The following C1orf21 variants were observed in gnomAD, a reference collection of about 807,000 sequenced individuals.
C1orf21 encodes chromosome 1 open reading frame 21, also known as uncharacterized protein C1orf21.
C1orf21 carries 3 observed loss-of-function variants against 18.7 expected under a neutral mutation model. The ratio of observed to expected loss-of-function variants is 0.16; its 90% CI spans 0.07 to 0.42. The LOEUF (loss-of-function observed/expected upper bound fraction) is 0.42. Among genes scored for constraint, C1orf21 ranks in the 10% least tolerant of loss-of-function variants. C1orf21 has a pLI of 0.99. For missense variants in C1orf21, 104 were observed against 143.6 expected (o/e 0.72, Z 1.41); for synonymous variants, 41 against 46.4 (o/e 0.88, Z 0.47).
In C1orf21 at chr1:184,450,119, C is replaced by G. The variant is rs112643129; in HGVS notation, c.-124-27267C>G. On this transcript the variant is annotated intron_variant, in intron 1 of 5. Transcript: ENST00000235307. ...AGGACAGTGAGGTTGTAGGTGGATGCCTGATACAGTCATGGAGGGAAGGTG... is the reference window on the plus strand; with the variant it reads ...AGGACAGTGAGGTTGTAGGTGGATGGCTGATACAGTCATGGAGGGAAGGTG... Among the ~76,000 whole-genome samples the G allele has an allele frequency of 5.0e-3, 756 of 152,146 alleles. 3 individuals are homozygous for G. Among genetic ancestry groups the G allele is most frequent in the Non-Finnish European group, 8.2e-3 (557 of 67,980 alleles).
At position 184,426,338 on chromosome 1, in the gene C1orf21, A is replaced by G. The variant is rs551362493; in HGVS notation, c.-125+38970A>G. Among the ~76,000 whole-genome samples, 3 of 152,044 alleles carry G rather than the reference A, an allele frequency of 2.0e-5. No individual in the cohort carries two copies. The East Asian group carries it at 5.8e-4, about 29-fold the overall frequency. On this transcript the variant is annotated intron_variant, in intron 1 of 5. Transcript: ENST00000235307. ...GGTGGTCTTCTACCTTCTCCCTCTA[A>G]TTTATTCTGCAAGCACCCTCAGAGC... is the stretch of plus-strand genomic sequence containing the variant.
intron 2 of C1orf21, among the ~76,000 whole-genome samples, chr1:184,485,562 G>T (rs1657721114): frequency 6.6e-6 from 1 of 152,222 alleles, no homozygotes; most frequent in Middle Eastern, 3.4e-3. Context: ...GTTTGATGGA[G>T]GCAGTGGCCC....
intron 1 of C1orf21, among the ~76,000 whole-genome samples, chr1:184,423,726 C>G (rs1235410562): frequency 6.6e-6 from 1 of 152,074 alleles, no homozygotes; most frequent in African/African-American, 2.4e-5. Context: ...GCAGCTCCTT[C>G]TTTCCTTTCT....
At chr1:184,491,092 TTAATAAG>T (rs1489579807) in intron 2 of C1orf21, among the ~76,000 whole-genome samples, 1 of 152,132 alleles carries the variant, frequency 6.6e-6, no homozygotes, top group African/African-American at 2.4e-5. Flanking sequence ...ATTAAATGAA[TTAATAAG>T]TAATAAAACA....
chr1:184,428,789 A>C (rs572590707), intron 1 of C1orf21, among the ~76,000 whole-genome samples: 1 of 152,290 alleles, frequency 6.6e-6, no homozygotes, highest in East Asian at 1.9e-4. Context: ...AAATGGGCCC[A>C]GACAGGGAAA....
chr1:184,430,780 G>C (rs965291792), intron 1 of C1orf21, among the ~76,000 whole-genome samples: 44 of 152,046 alleles, frequency 2.9e-4, no homozygotes, highest in African/African-American at 1.0e-3. Context: ...GGTGCCTCTG[G>C]TTCCATATTA....
At chr1:184,449,651 A>G (rs1657091324) in intron 1 of C1orf21, among the ~76,000 whole-genome samples, 1 of 152,182 alleles carries the variant, frequency 6.6e-6, no homozygotes. Context: ...AATTATTGAT[A>G]GTGGACCCAT....
At chr1:184,394,117 T>TTTGG (rs1296612044) in intron 1 of C1orf21, among the ~76,000 whole-genome samples, 5 of 152,220 alleles carry the variant, frequency 3.3e-5, no homozygotes, top group Non-Finnish European at 4.4e-5. Flanking sequence ...TACATATGAA[T>TTTGG]TTGGATTGGT....
chr1:184,443,908 C>T (rs1379974086), intron 1 of C1orf21, among the ~76,000 whole-genome samples: 1 of 152,146 alleles, frequency 6.6e-6, no homozygotes, highest in African/African-American at 2.4e-5. Flanking sequence ...AATCCCATGA[C>T]AGGGGGTATA....
At chr1:184,537,470 C>T (rs1043511092) in intron 3 of C1orf21, among the ~76,000 whole-genome samples, 1 of 152,108 alleles carries the variant, frequency 6.6e-6, no homozygotes, top group East Asian at 1.9e-4. Context: ...TCAAAATTTC[C>T]TCTTTAGCTT....
intron 3 of C1orf21, among the ~76,000 whole-genome samples, chr1:184,584,539 A>C (rs1301164038): frequency 2.0e-5 from 3 of 152,188 alleles, no homozygotes; most frequent in African/African-American, 7.2e-5. Flanking sequence ...ACATAAACTT[A>C]CTATGTAATC....
In C1orf21 at chr1:184,431,846, C is replaced by G. The variant is rs535580441; in HGVS notation, c.-125+44478C>G. Reference sequence around the variant, plus strand: ...TTTACTAGAAAAAAACAAACAACCTCATCAAAAAGTGGGCAAAGGATATGA... The same window carrying G: ...TTTACTAGAAAAAAACAAACAACCTGATCAAAAAGTGGGCAAAGGATATGA... On this transcript the variant is annotated intron_variant, in intron 1 of 5. Transcript: ENST00000235307. 3.3e-4 allele frequency among the ~76,000 whole-genome samples: 50 copies of G among 152,234 alleles called. 1 individual carries two copies. The East Asian group carries it at 6.4e-3, about 19-fold the overall frequency.
chr1:184,456,858 C>A (rs1657206706), intron 1 of C1orf21, among the ~76,000 whole-genome samples: 1 of 152,108 alleles, frequency 6.6e-6, no homozygotes, highest in African/African-American at 2.4e-5. Context: ...AAGACAAAAC[C>A]TTTCATATAT....
intron 2 of C1orf21, among the ~76,000 whole-genome samples, chr1:184,490,861 T>C (rs1281473830): frequency 2.0e-5 from 3 of 152,168 alleles, no homozygotes; most frequent in African/African-American, 7.2e-5. Context: ...TGCTGATTAC[T>C]AGTTAGTTTT....
chr1:184,608,510 C>T (rs1184008124), intron 5 of C1orf21, among the ~76,000 whole-genome samples: 3 of 152,240 alleles, frequency 2.0e-5, no homozygotes, highest in Non-Finnish European at 4.4e-5. Context: ...CTCTGATAGT[C>T]ATGGCCACAG....
intron 2 of C1orf21, among the ~76,000 whole-genome samples, chr1:184,494,633 G>A (rs540534898): frequency 1.3e-3 from 205 of 152,308 alleles, no homozygotes; most frequent in African/African-American, 4.6e-3. Flanking sequence ...AAGGGCAGCA[G>A]TGGGAGGTAG....
chr1:184,541,677 T>C (rs1658653093), intron 3 of C1orf21, among the ~76,000 whole-genome samples: 1 of 152,230 alleles, frequency 6.6e-6, no homozygotes. Flanking sequence ...TGCTCTCCCA[T>C]TAAAACTTTA....
chr1:184,554,908 T>G (rs1658857708), intron 3 of C1orf21, among the ~76,000 whole-genome samples: 1 of 152,230 alleles, frequency 6.6e-6, no homozygotes, highest in South Asian at 2.1e-4. Flanking sequence ...TGCACATGTG[T>G]GTAACAAGAA....
intron 3 of C1orf21, among the ~76,000 whole-genome samples, chr1:184,516,617 G>A (rs543300442): frequency 2.0e-5 from 3 of 152,324 alleles, no homozygotes; most frequent in South Asian, 4.2e-4. Flanking sequence ...ATGGATGGCA[G>A]CCGGCAAAGA....
Sources: allele counts gnomAD v4.1 joint callset (sites outside exome capture counted in the v4.1 genomes callset), GRCh38; gene constraint gnomAD v4.1.1; transcripts MANE v1.5; gene names NCBI Gene and HGNC (gene_info 2026-07-23, HGNC 2026-07-21).